KLHL15: variants seen among roughly 807,000 people sequenced by gnomAD.
KLHL15 encodes kelch like family member 15.
KLHL15 carries 1 observed loss-of-function variant against 29.3 expected under a neutral mutation model. The observed-to-expected ratio is 0.03, with a 90% CI of 0.01 to 0.16. The LOEUF is 0.16. KLHL15 is among the 10% of genes least tolerant of loss of function. The pLI is 1.00. For missense variants in KLHL15, 215 were observed against 478.5 expected (o/e 0.45, Z 5.14); for synonymous variants, 212 against 184.5 (o/e 1.15, Z -1.21).
At chrX:24,016,368 A>AAAAAAAAGG (rs1555978285) in intron 2 of KLHL15, among the ~76,000 whole-genome samples, 1 of 76,502 alleles carries the variant, frequency 1.3e-5, no homozygotes, top group African/African-American at 7.0e-5. Flanking sequence ...AAAAAAAAAA[A>AAAAAAAAGG]GGGGGGGTAT....
At position 23,986,831 on chromosome X, in the gene KLHL15, T is replaced by G. The variant is rs1161371131; in HGVS notation, c.*1090A>C. The G allele has an allele frequency of 9.0e-6, 1 of 111,655 alleles. No homozygotes were observed. Among genetic ancestry groups the G allele is most frequent in the Non-Finnish European group, 1.9e-5 (1 of 53,102 alleles). The allele number at this position is 111,655 out of a possible 1,213,427, so 9.2% of individuals were successfully genotyped here. A position where few individuals can be genotyped will look rare whatever the true frequency, so the allele number is the denominator to read the frequency against. ...ACAAATGCAGCAGCCTTACTGAATGTAAAAAATGGGAGTTGCACTTACTTT... is the reference window on the plus strand; with the variant it reads ...ACAAATGCAGCAGCCTTACTGAATGGAAAAAATGGGAGTTGCACTTACTTT... On this transcript the variant is annotated 3_prime_UTR_variant, in exon 4 of 4. Coordinates refer to ENST00000328046, the MANE Select transcript of KLHL15 (RefSeq NM_030624.3).
intron 2 of KLHL15, among the ~76,000 whole-genome samples, chrX:24,013,842 T>C (rs1009330181): frequency 9.1e-6 from 1 of 109,427 alleles, no homozygotes; most frequent in Non-Finnish European, 1.9e-5. Context: ...TCCCCATCTC[T>C]AAAAAAAAGT....
At chrX:24,002,069 C>G (rs1028025327) in intron 3 of KLHL15, among the ~76,000 whole-genome samples, 2 of 109,421 alleles carry the variant, frequency 1.8e-5, no homozygotes, top group Non-Finnish European at 3.8e-5. Context: ...GCAGGTGGAG[C>G]TTGCAGTGAG....
Position 23,988,242 on chromosome X carries a change from C to T in KLHL15, c.1494G>A (p.Val498=), listed in dbSNP as rs1484314053. The T allele has an allele frequency of 8.3e-7, 1 of 1,211,470 alleles. No individual in the cohort carries two copies. Among genetic ancestry groups the T allele is most frequent in the African/African-American group, 1.7e-5 (1 of 57,747 alleles). ...GAGATTCGAAAGAGGCCCTCAAGAT[C>T]ACACAGACACCACCGAAGACATAAA... ...GKLYVFGGVC[V]ILRASFESQG... is the part of the protein sequence containing the mutation. The change falls in exon 4 of 4, where the codon GTG becomes GTA. Residue 498 remains valine, a synonymous_variant. Coordinates refer to ENST00000328046, the MANE Select transcript of KLHL15 (RefSeq NM_030624.3).
chrX:23,999,928 G>A (rs1315961965), intron 3 of KLHL15, among the ~76,000 whole-genome samples: 1 of 112,054 alleles, frequency 8.9e-6, no homozygotes, highest in Admixed American at 9.5e-5. Flanking sequence ...GGAAGGGTTG[G>A]CAAAAAGGAG....
chrX:24,019,758 T>A (rs1226721118), intron 2 of KLHL15, among the ~76,000 whole-genome samples: 1 of 111,755 alleles, frequency 8.9e-6, no homozygotes, highest in Non-Finnish European at 1.9e-5. Context: ...CTTCAAACTC[T>A]CTAGTGACCA....
chrX:24,014,611 A>AGAG (rs905103227), intron 2 of KLHL15, among the ~76,000 whole-genome samples: 9 of 111,580 alleles, frequency 8.1e-5, no homozygotes, highest in East Asian at 2.8e-4. Context: ...GGGGGAAAAA[A>AGAG]GAGGAGGAGG....
intron 3 of KLHL15, among the ~76,000 whole-genome samples, chrX:23,993,729 A>G (rs754343801): frequency 9.1e-6 from 1 of 110,160 alleles, no homozygotes; most frequent in East Asian, 2.8e-4. Flanking sequence ...AAACTAAATT[A>G]AAAGGACAGA....
chrX:23,990,292 A>C (rs1429339522), intron 3 of KLHL15, among the ~76,000 whole-genome samples: 1 of 111,896 alleles, frequency 8.9e-6, no homozygotes, highest in Non-Finnish European at 1.9e-5. Context: ...CCAATAGGTA[A>C]ATGAGTCAGG....
At chrX:24,018,265 C>T (rs1263852732) in intron 2 of KLHL15, among the ~76,000 whole-genome samples, 1 of 111,919 alleles carries the variant, frequency 8.9e-6, no homozygotes, top group Non-Finnish European at 1.9e-5. Context: ...TTGTAAAACA[C>T]AAAAACCTTA....
chrX:24,025,298 G>A (rs1929901946), intron 1 of KLHL15, among the ~76,000 whole-genome samples: 1 of 108,792 alleles, frequency 9.2e-6, no homozygotes, highest in African/African-American at 3.3e-5. Flanking sequence ...CTGCCCCGAA[G>A]CGCGCCGAGC....
rs200250064 is a variant in KLHL15, at chrX:24,011,167, CAA to C, written c.-7-4469_-7-4468del. On this transcript the variant is annotated intron_variant, in intron 2 of 3. Transcript: ENST00000328046. The stretch of plus-strand genomic sequence containing the variant: ...TAGTTATCCCAGCCCAAAGTCATCT[CAA>C]AAAAAAAAAAAAAGAAAAAAGAAAA... Among the ~76,000 whole-genome samples the C allele has an allele frequency of 7.4e-4, 40 of 53,929 alleles. No homozygotes were observed. In the South Asian group the frequency reaches 0.023, roughly 31 times the overall value. The allele number at this position is 53,929 out of a possible 115,157, so 46.8% of individuals were successfully genotyped here.
chrX:24,025,637 C>T (rs1478631910), intron 1 of KLHL15, among the ~76,000 whole-genome samples: 1 of 105,573 alleles, frequency 9.5e-6, no homozygotes, highest in Non-Finnish European at 2.0e-5. Context: ...TACCTTCCCC[C>T]TGGTCGAGCG....
At chrX:24,004,408 A>AT (rs767117633) in intron 3 of KLHL15, among the ~76,000 whole-genome samples, 1 of 112,139 alleles carries the variant, frequency 8.9e-6, no homozygotes, top group South Asian at 3.7e-4. Flanking sequence ...AAAAAGAGCA[A>AT]TAAAAACAAT....
chrX:23,995,258 T>G (rs1467668674), intron 3 of KLHL15, among the ~76,000 whole-genome samples: 1 of 110,389 alleles, frequency 9.1e-6, no homozygotes, highest in East Asian at 2.8e-4. Flanking sequence ...AATACAAAAA[T>G]TATCCGGGCA....
chrX:23,994,443 A>G (rs1929146389), intron 3 of KLHL15, among the ~76,000 whole-genome samples: 1 of 112,515 alleles, frequency 8.9e-6, no homozygotes, highest in Admixed American at 9.5e-5. Context: ...TCTGGTATAT[A>G]CCATATGCAG....
Position 24,011,548 on chromosome X carries a change from G to A in KLHL15, c.-7-4848C>T, listed in dbSNP as rs762428580. Among the ~76,000 whole-genome samples, 5 of 112,158 alleles carry A rather than the reference G, an allele frequency of 4.5e-5. No homozygotes were observed. The South Asian group carries it at 1.8e-3, about 41-fold the overall frequency. ...AACCCTAACTACTTGGGAGGCTGAG[G>A]CACGAGAATTGCTTGAACCTGGGAG... On this transcript the variant is annotated intron_variant, in intron 2 of 3. Transcript: ENST00000328046.
chrX:24,016,134 G>A (rs769144874), intron 2 of KLHL15, among the ~76,000 whole-genome samples: 6 of 107,868 alleles, frequency 5.6e-5, no homozygotes, highest in African/African-American at 1.7e-4. Flanking sequence ...AGATCATGAG[G>A]TCAGGAGATC....
intron 2 of KLHL15, among the ~76,000 whole-genome samples, chrX:24,015,304 A>C (rs1929653404): frequency 8.9e-6 from 1 of 112,346 alleles, no homozygotes; most frequent in Non-Finnish European, 1.9e-5. Flanking sequence ...GTAAATATGC[A>C]ACACACTAAA....
Sources: gnomAD v4.1 joint callset for allele counts (sites outside exome capture counted in the v4.1 genomes callset) on GRCh38, gnomAD v4.1.1 for gene constraint, MANE v1.5 for transcripts, NCBI Gene and HGNC (gene_info 2026-07-23, HGNC 2026-07-21) for gene names.